The following PDE10A variants were observed in gnomAD, a reference collection of about 807,000 sequenced individuals.
PDE10A encodes cAMP and cAMP-inhibited cGMP 3',5'-cyclic phosphodiesterase 10A.
PDE10A carries 39 observed loss-of-function variants against 97.7 expected under a neutral mutation model. The ratio of observed to expected loss-of-function variants is 0.40; its 90% confidence interval spans 0.31 to 0.52. The LOEUF (loss-of-function observed/expected upper bound fraction) is 0.52. Ranked by LOEUF, PDE10A falls within the 20% of genes least tolerant of loss-of-function variation. The pLI is 0.56. For synonymous variants in PDE10A, 371 were observed against 376.8 expected (o/e 0.98, Z 0.18); for missense variants, 731 against 1,047.8 (o/e 0.70, Z 4.17).
At chr6:165,879,320 C>T (rs1418905421) in intron 1 of PDE10A, among the ~76,000 whole-genome samples, 1 of 152,154 alleles carries the variant, frequency 6.6e-6, no homozygotes, top group Admixed American at 6.5e-5. Context: ...GCTGGACTTT[C>T]AAAATCTTAG....
At chr6:165,603,274 T>A (rs1424011723) in intron 1 of PDE10A, among the ~76,000 whole-genome samples, 2 of 152,162 alleles carry the variant, frequency 1.3e-5, no homozygotes, top group East Asian at 3.9e-4. Context: ...TGCAGTTGTA[T>A]CCCCTAGCAA....
intron 1 of PDE10A, among the ~76,000 whole-genome samples, chr6:165,590,417 T>A (rs1583600231): frequency 6.6e-6 from 1 of 152,246 alleles, no homozygotes; most frequent in East Asian, 1.9e-4. Flanking sequence ...AGAGTAGAAA[T>A]ACATACTGAA....
intron 1 of PDE10A, among the ~76,000 whole-genome samples, chr6:165,895,097 C>G (rs1402866717): frequency 6.6e-6 from 1 of 152,204 alleles, no homozygotes; most frequent in Non-Finnish European, 1.5e-5. Flanking sequence ...TCCTTCCTAC[C>G]TAATATCCAC....
intron 1 of PDE10A, among the ~76,000 whole-genome samples, chr6:165,761,206 G>C (rs1420055600): frequency 2.0e-5 from 3 of 152,174 alleles, no homozygotes; most frequent in African/African-American, 4.8e-5. Context: ...ACCCTTCAAA[G>C]TGTCTGTGAG....
At chr6:165,559,475 C>T (rs531747568) in intron 1 of PDE10A, among the ~76,000 whole-genome samples, 11 of 152,176 alleles carry the variant, frequency 7.2e-5, no homozygotes, top group Non-Finnish European at 1.6e-4. Flanking sequence ...TACATACTGT[C>T]TCATTAGAAA....
chr6:165,500,892 C>T (rs775577596), intron 2 of PDE10A, among the ~76,000 whole-genome samples: 31 of 152,184 alleles, frequency 2.0e-4, no homozygotes, highest in South Asian at 2.1e-4. Context: ...CTGCTCTTTA[C>T]GGCACCCAGA....
chr6:165,423,986 A>G (rs1320023968), intron 10 of PDE10A, among the ~76,000 whole-genome samples: 5 of 152,124 alleles, frequency 3.3e-5, no homozygotes, highest in Admixed American at 2.0e-4. Flanking sequence ...TTCAAAACAC[A>G]TATCTGATCT....
At chr6:165,902,909 T>C (rs187636437) in intron 1 of PDE10A, among the ~76,000 whole-genome samples, 24 of 152,352 alleles carry the variant, frequency 1.6e-4, no homozygotes, top group African/African-American at 5.8e-4. Flanking sequence ...ACACACATTT[T>C]ATACTGTTAA....
chr6:165,782,884 T>C (rs1221538870), intron 1 of PDE10A, among the ~76,000 whole-genome samples: 1 of 152,204 alleles, frequency 6.6e-6, no homozygotes, highest in African/African-American at 2.4e-5. Context: ...CGTGTGTGAT[T>C]TTTTAAATGC....
chr6:165,357,964 C>T (rs1010167297), intron 18 of PDE10A, among the ~76,000 whole-genome samples: 1 of 151,984 alleles, frequency 6.6e-6, no homozygotes, highest in Admixed American at 6.6e-5. Context: ...TATACATTTC[C>T]CTCTCAGCAC....
intron 1 of PDE10A, among the ~76,000 whole-genome samples, chr6:165,757,931 T>A (rs1027830242): frequency 6.6e-6 from 1 of 152,216 alleles, no homozygotes; most frequent in South Asian, 2.1e-4. Flanking sequence ...TCTAATTTTT[T>A]AAAGTATACA....
chr6:165,578,236 T>C (rs1410481), intron 1 of PDE10A, among the ~76,000 whole-genome samples: 2 of 151,976 alleles, frequency 1.3e-5, no homozygotes, highest in African/African-American at 2.4e-5. Context: ...TTTGGATGGC[T>C]GCACTCTCAA....
intron 1 of PDE10A, among the ~76,000 whole-genome samples, chr6:165,553,668 G>C (rs1176497397): frequency 6.6e-6 from 1 of 152,142 alleles, no homozygotes; most frequent in Non-Finnish European, 1.5e-5. Flanking sequence ...AGAAGATATT[G>C]TTTCCCACAT....
At chr6:165,755,656 A>G (rs1376771444) in intron 1 of PDE10A, among the ~76,000 whole-genome samples, 1 of 152,220 alleles carries the variant, frequency 6.6e-6, no homozygotes, top group Non-Finnish European at 1.5e-5. Context: ...TGCAAAGGGA[A>G]AGAATTACAC....
intron 12 of PDE10A, among the ~76,000 whole-genome samples, chr6:165,414,959 T>C (rs902536387): frequency 1.3e-5 from 2 of 152,232 alleles, no homozygotes; most frequent in Non-Finnish European, 2.9e-5. Flanking sequence ...ATCAGTTGTA[T>C]ATCTCCTTTT....
intron 2 of PDE10A, among the ~76,000 whole-genome samples, chr6:165,516,955 C>A (rs532379): frequency 0.68 from 102,792 of 151,932 alleles, 36,316 homozygotes; most frequent in Non-Finnish European, 0.77. Context: ...CTATAAAGAA[C>A]TATATTTTTA....
chr6:165,966,410 C>T (rs1022366371), intron 1 of PDE10A, among the ~76,000 whole-genome samples: 1 of 152,338 alleles, frequency 6.6e-6, no homozygotes, highest in South Asian at 2.1e-4. Flanking sequence ...ATGTGTCTCG[C>T]TGTAGCCTAC....
intron 1 of PDE10A, among the ~76,000 whole-genome samples, chr6:165,797,726 C>T (rs986316823): frequency 2.6e-5 from 4 of 152,086 alleles, no homozygotes; most frequent in Non-Finnish European, 2.9e-5. Flanking sequence ...GCATTATAAT[C>T]AGTTTTAAAA....
intron 1 of PDE10A, among the ~76,000 whole-genome samples, chr6:165,784,229 A>C (rs1258163482): frequency 6.9e-6 from 1 of 145,586 alleles, no homozygotes; most frequent in African/African-American, 2.8e-5. Context: ...TCTCAAAAAA[A>C]AAAAAAGAAA....
Sources: allele counts gnomAD v4.1 joint callset (sites outside exome capture counted in the v4.1 genomes callset), GRCh38; gene constraint gnomAD v4.1.1; transcripts MANE v1.5; gene names NCBI Gene and HGNC (gene_info 2026-07-23, HGNC 2026-07-21).